The following IQCM variants were observed in gnomAD, a reference collection of about 807,000 sequenced individuals.
IQCM encodes IQ motif containing M.
In IQCM, 45 loss-of-function variants were observed where a neutral mutation model predicts 57.6. The ratio of observed to expected loss-of-function variants is 0.78; its 90% CI spans 0.62 to 1.00. The LOEUF is 1.00. Among genes scored for constraint, IQCM ranks in the 50% least tolerant of loss-of-function variants. The pLI is 0.00. For missense variants in IQCM, 468 were observed against 511.6 expected, an observed-to-expected ratio of 0.91 and a Z score of 0.82; for synonymous variants, 148 against 158.9, an observed-to-expected ratio of 0.93 and a Z score of 0.51.
At chr4:149,435,091 T>C (rs1735225594) in intron 12 of IQCM, among the ~76,000 whole-genome samples, 1 of 152,142 alleles carries the variant, frequency 6.6e-6, no homozygotes, top group Non-Finnish European at 1.5e-5. Flanking sequence ...AAGGGGTCCC[T>C]ATATCTGCTC....
chr4:149,407,803 T>G (rs568564367), intron 13 of IQCM, among the ~76,000 whole-genome samples: 227 of 152,298 alleles, frequency 1.5e-3, no homozygotes, highest in African/African-American at 5.2e-3. Flanking sequence ...TGGTGACTAG[T>G]GCTACAATAA....
At chr4:149,542,807 G>A (rs1219450117) in intron 12 of IQCM, among the ~76,000 whole-genome samples, 1 of 151,920 alleles carries the variant, frequency 6.6e-6, no homozygotes, top group African/African-American at 2.4e-5. Context: ...CACTTACAAT[G>A]GACCACATAT....
intron 8 of IQCM, among the ~76,000 whole-genome samples, chr4:149,616,664 A>T (rs1035747815): frequency 1.3e-5 from 2 of 152,190 alleles, no homozygotes; most frequent in Admixed American, 6.5e-5. Flanking sequence ...AAATGAAAAA[A>T]GTCTACTTAG....
intron 13 of IQCM, among the ~76,000 whole-genome samples, chr4:149,370,997 T>C (rs780057808): frequency 9.2e-5 from 14 of 152,156 alleles, no homozygotes; most frequent in Non-Finnish European, 1.8e-4. Context: ...CGCATGACTC[T>C]GGAAATATTG....
At chr4:149,546,227 C>T (rs4420961) in intron 12 of IQCM, among the ~76,000 whole-genome samples, 32,808 of 152,084 alleles carry the variant, frequency 0.22, 4,366 homozygotes, top group Non-Finnish European at 0.29. Flanking sequence ...TTGATGGACA[C>T]TTGGGTTGCT....
chr4:149,633,862 C>T (rs1757497513), intron 7 of IQCM, among the ~76,000 whole-genome samples: 2 of 152,144 alleles, frequency 1.3e-5, no homozygotes, highest in African/African-American at 4.8e-5. Flanking sequence ...CCAAGCTACA[C>T]CGTCATTTTT....
intron 12 of IQCM, among the ~76,000 whole-genome samples, chr4:149,508,288 C>T (rs1348148253): frequency 6.6e-6 from 1 of 151,924 alleles, no homozygotes; most frequent in African/African-American, 2.4e-5. Flanking sequence ...CCTCCAGACT[C>T]CAGAATGGTA....
At position 149,634,310 on chromosome 4, in the gene IQCM, G is replaced by A. The variant is rs1579787602; in HGVS notation, c.566-13066C>T. On this transcript the variant is annotated intron_variant, in intron 7 of 13. Transcript: ENST00000636793. ...TTTCAGTATTTAGAAAACATACCTTGCAATCACTTCACTGATCCTGATATG... is the reference window on the plus strand; with the variant it reads ...TTTCAGTATTTAGAAAACATACCTTACAATCACTTCACTGATCCTGATATG... Among the ~76,000 whole-genome samples, 4 of 152,158 alleles carry A rather than the reference G, an allele frequency of 2.6e-5. No homozygotes were observed. The South Asian group carries it at 8.3e-4, about 32-fold the overall frequency.
At chr4:149,519,614 C>G (rs1745394935) in intron 12 of IQCM, among the ~76,000 whole-genome samples, 1 of 151,992 alleles carries the variant, frequency 6.6e-6, no homozygotes, top group African/African-American at 2.4e-5. Context: ...CCACTGCGCT[C>G]CAGCCTGGGC....
At chr4:149,461,971 G>A (rs1738342770) in intron 12 of IQCM, among the ~76,000 whole-genome samples, 1 of 152,020 alleles carries the variant, frequency 6.6e-6, no homozygotes, top group African/African-American at 2.4e-5. Flanking sequence ...TGTGGCCTGG[G>A]GGTTGGGGTC....
intron 7 of IQCM, among the ~76,000 whole-genome samples, chr4:149,659,486 G>T (rs1474578809): frequency 6.6e-6 from 1 of 151,826 alleles, no homozygotes; most frequent in East Asian, 1.9e-4. Context: ...ACTACTTTAA[G>T]GATCATATGA....
chr4:149,447,997 A>G (rs1736697717), intron 12 of IQCM, among the ~76,000 whole-genome samples: 1 of 151,700 alleles, frequency 6.6e-6, no homozygotes. Flanking sequence ...CAACAAGGAT[A>G]TAGAGTTGAA....
intron 10 of IQCM, among the ~76,000 whole-genome samples, chr4:149,560,771 T>C (rs1327302224): frequency 6.6e-6 from 1 of 152,172 alleles, no homozygotes; most frequent in Non-Finnish European, 1.5e-5. Flanking sequence ...TTGAGTAATC[T>C]TAAACTTCTA....
intron 5 of IQCM, among the ~76,000 whole-genome samples, chr4:149,719,945 T>C (rs1409183331): frequency 6.6e-6 from 1 of 152,150 alleles, no homozygotes; most frequent in Non-Finnish European, 1.5e-5. Flanking sequence ...ACATGTTCAC[T>C]GAGGAGGGTC....
At chr4:149,706,595 C>T (rs1442206501) in intron 5 of IQCM, among the ~76,000 whole-genome samples, 2 of 152,078 alleles carry the variant, frequency 1.3e-5, no homozygotes, top group Non-Finnish European at 2.9e-5. Context: ...TAAGTATTAT[C>T]TTGTATATGT....
chr4:149,511,960 C>T (rs971092328), intron 12 of IQCM, among the ~76,000 whole-genome samples: 1 of 151,990 alleles, frequency 6.6e-6, no homozygotes, highest in Non-Finnish European at 1.5e-5. Context: ...TATTGTATAC[C>T]TCCTTTGCGC....
At chr4:149,700,738 T>A (rs1164119883) in intron 5 of IQCM, among the ~76,000 whole-genome samples, 2 of 152,010 alleles carry the variant, frequency 1.3e-5, no homozygotes, top group Non-Finnish European at 2.9e-5. Context: ...AACTTCTGTT[T>A]CCTCTTTCTT....
chr4:149,466,738 C>A (rs892042737), intron 12 of IQCM, among the ~76,000 whole-genome samples: 2 of 152,104 alleles, frequency 1.3e-5, no homozygotes, highest in African/African-American at 2.4e-5. Context: ...CAGGCTGTGA[C>A]AACAAATACC....
intron 13 of IQCM, among the ~76,000 whole-genome samples, chr4:149,356,749 A>C (rs1333282538): frequency 6.6e-6 from 1 of 152,132 alleles, no homozygotes; most frequent in Non-Finnish European, 1.5e-5. Flanking sequence ...GTTCCATATG[A>C]ACTTTAAAGT....
Sources: gnomAD v4.1 joint callset for allele counts (sites outside exome capture counted in the v4.1 genomes callset) on GRCh38, gnomAD v4.1.1 for gene constraint, MANE v1.5 for transcripts, NCBI Gene and HGNC (gene_info 2026-07-23, HGNC 2026-07-21) for gene names.